ANGPT1: variants seen among roughly 807,000 people sequenced by gnomAD.
ANGPT1 encodes the protein angiopoietin-1.
Under a neutral mutation model 62.2 loss-of-function variants are expected in ANGPT1, and 17 were observed. That is an observed-to-expected ratio of 0.27 (90% CI 0.19 to 0.41). ANGPT1 has a LOEUF of 0.41. Among genes scored for constraint, ANGPT1 ranks in the 10% least tolerant of loss-of-function variants. The pLI is 1.00. For missense variants in ANGPT1, 478 were observed against 594.9 expected, an observed-to-expected ratio of 0.80 and a Z score of 2.04; for synonymous variants, 199 against 198.9, an observed-to-expected ratio of 1.00 and a Z score of 0.00.
chr8:107,407,654 G>A (rs995867307), intron 1 of ANGPT1, among the ~76,000 whole-genome samples: 13 of 152,158 alleles, frequency 8.5e-5, no homozygotes, highest in Admixed American at 8.5e-4. Context: ...AAGCTCAAAG[G>A]AGTAAATAAT....
chr8:107,328,921 T>C (rs1199226086), intron 3 of ANGPT1, among the ~76,000 whole-genome samples: 2 of 151,966 alleles, frequency 1.3e-5, no homozygotes, highest in Non-Finnish European at 2.9e-5. Context: ...TTAACATAAA[T>C]AATACTTATA....
At chr8:107,389,318 C>T (rs1403998376) in intron 1 of ANGPT1, among the ~76,000 whole-genome samples, 1 of 152,084 alleles carries the variant, frequency 6.6e-6, no homozygotes, top group Non-Finnish European at 1.5e-5. Context: ...CAGCAATAGT[C>T]CTTGGTTTTC....
intron 3 of ANGPT1, among the ~76,000 whole-genome samples, chr8:107,334,140 CTT>C (rs1815503449): frequency 6.6e-6 from 1 of 151,894 alleles, no homozygotes; most frequent in African/African-American, 2.4e-5. Context: ...AGGGAGGAGA[CTT>C]TTCAGGCCTC....
At chr8:107,463,009 T>G (rs1365087929) in intron 1 of ANGPT1, among the ~76,000 whole-genome samples, 6 of 152,034 alleles carry the variant, frequency 3.9e-5, no homozygotes, top group Non-Finnish European at 1.5e-5. Context: ...TACTGTGTAA[T>G]CCCCTCCCCC....
intron 1 of ANGPT1, among the ~76,000 whole-genome samples, chr8:107,464,205 G>C (rs1384467605): frequency 3.3e-5 from 5 of 152,128 alleles, no homozygotes; most frequent in African/African-American, 1.2e-4. Flanking sequence ...CACTTCACAT[G>C]AGGATTAGAG....
At chr8:107,319,809 T>C (rs993280286) in intron 4 of ANGPT1, among the ~76,000 whole-genome samples, 1 of 152,084 alleles carries the variant, frequency 6.6e-6, no homozygotes, top group Non-Finnish European at 1.5e-5. Flanking sequence ...GTGTCTCTTA[T>C]GAGTTCTAAA....
chr8:107,300,610 C>A (rs1006142176), intron 5 of ANGPT1, among the ~76,000 whole-genome samples: 1 of 151,852 alleles, frequency 6.6e-6, no homozygotes, highest in African/African-American at 2.4e-5. Context: ...TCCTTCTTCT[C>A]TCTGAAAAGC....
At chr8:107,284,419 GAAC>G (rs1015897947) in intron 7 of ANGPT1, 4 of 232,212 alleles carry the variant, frequency 1.7e-5, no homozygotes, top group African/African-American at 6.7e-5. Flanking sequence ...GATAACCACA[GAAC>G]AACAGTATGC....
intron 3 of ANGPT1, among the ~76,000 whole-genome samples, chr8:107,328,504 A>C (rs577328593): frequency 6.6e-6 from 1 of 152,164 alleles, no homozygotes; most frequent in East Asian, 1.9e-4. Context: ...CAGAGATGTA[A>C]TGTTTCTATT....
chr8:107,291,760 A>T (rs4371979), intron 6 of ANGPT1, among the ~76,000 whole-genome samples: 42,999 of 151,850 alleles, frequency 0.28, 7,409 homozygotes, highest in Admixed American at 0.39. Context: ...TTTTGAATAT[A>T]GATAATCTTT....
rs527251157 is a variant in ANGPT1 at position 107,316,465 on chromosome 8, T to C, written c.808+5431A>G. Among the ~76,000 whole-genome samples, 3 of 152,320 alleles carry C rather than the reference T, an allele frequency of 2.0e-5. No homozygotes were observed. The East Asian group carries it at 5.8e-4, about 29-fold the overall frequency. ...ATACAGTGTTGTTACCAGAATTAAA[T>C]AAACTAATATATGCAAAGGTCTCAG... On this transcript the variant is annotated intron_variant, in intron 4 of 8. Coordinates refer to ENST00000517746, the MANE Select transcript of ANGPT1 (RefSeq NM_001146.5).
intron 1 of ANGPT1, among the ~76,000 whole-genome samples, chr8:107,439,958 A>C (rs543832492): frequency 1.3e-5 from 2 of 152,236 alleles, no homozygotes; most frequent in South Asian, 4.2e-4. Context: ...TGGAATGGGG[A>C]GGGGATGCCA....
intron 1 of ANGPT1, among the ~76,000 whole-genome samples, chr8:107,377,189 C>T (rs1816546375): frequency 6.6e-6 from 1 of 152,118 alleles, no homozygotes; most frequent in South Asian, 2.1e-4. Context: ...TTTCTTTTGG[C>T]ACACACAAAA....
chr8:107,452,007 G>T (rs1234497860), intron 1 of ANGPT1, among the ~76,000 whole-genome samples: 1 of 151,436 alleles, frequency 6.6e-6, no homozygotes, highest in African/African-American at 2.4e-5. Context: ...TTGTTTATAT[G>T]TATGTATACT....
intron 1 of ANGPT1, among the ~76,000 whole-genome samples, chr8:107,415,069 C>G (rs1810701663): frequency 6.6e-6 from 1 of 152,156 alleles, no homozygotes; most frequent in African/African-American, 2.4e-5. Context: ...TTAGTTTACT[C>G]TGCTCTGATC....
rs115312706 is a variant in ANGPT1 at position 107,377,576 on chromosome 8, G to T, written c.298-30479C>A. ...CTATTTTAAAGTATTTTGATGTTTG[G>T]AGAAGTGGAAGAAGAGAGGAAGATA... On this transcript the variant is annotated intron_variant, in intron 1 of 8. Coordinates refer to ENST00000517746, the MANE Select transcript of ANGPT1 (RefSeq NM_001146.5). Among the ~76,000 whole-genome samples, 343 of 152,274 alleles carry T rather than the reference G, an allele frequency of 2.3e-3. 1 individual carries two copies. The highest frequency in any genetic ancestry group is 7.9e-3 in the African/African-American group (328 of 41,558).
At chr8:107,412,796 A>G (rs1810623131) in intron 1 of ANGPT1, among the ~76,000 whole-genome samples, 1 of 152,126 alleles carries the variant, frequency 6.6e-6, no homozygotes, top group African/African-American at 2.4e-5. Context: ...CTAAGAGTCA[A>G]GGAAGGGCTC....
intron 1 of ANGPT1, among the ~76,000 whole-genome samples, chr8:107,446,445 T>C (rs1811622666): frequency 6.6e-6 from 1 of 152,186 alleles, no homozygotes; most frequent in Admixed American, 6.5e-5. Context: ...TGATAAGTTC[T>C]GAGTGAGAAA....
At chr8:107,265,740 G>C (rs766571713) in intron 7 of ANGPT1, among the ~76,000 whole-genome samples, 11 of 152,112 alleles carry the variant, frequency 7.2e-5, no homozygotes, top group African/African-American at 1.9e-4. Flanking sequence ...CTGTATGAGT[G>C]AGACACTCCT....
Sources: allele counts gnomAD v4.1 joint callset (sites outside exome capture counted in the v4.1 genomes callset), GRCh38; gene constraint gnomAD v4.1.1; transcripts MANE v1.5; gene names NCBI Gene and HGNC (gene_info 2026-07-23, HGNC 2026-07-21).